BMPER: variants seen among roughly 807,000 people sequenced by gnomAD.
BMPER encodes BMP-binding endothelial regulator protein.
Under a neutral mutation model 87.3 loss-of-function variants are expected in BMPER, and 45 were observed. The observed-to-expected ratio is 0.52, with a 90% confidence interval of 0.41 to 0.66. The LOEUF is 0.66. BMPER is among the 30% of genes least tolerant of loss of function. BMPER has a pLI of 0.00. For missense variants in BMPER, 784 were observed against 867.5 expected (o/e 0.90, Z 1.21); for synonymous variants, 326 against 316.2 (o/e 1.03, Z -0.33).
intron 13 of BMPER, among the ~76,000 whole-genome samples, chr7:34,125,620 T>A (rs1022559502): frequency 6.6e-6 from 1 of 152,230 alleles, no homozygotes; most frequent in Non-Finnish European, 1.5e-5. Flanking sequence ...TACTTTACCT[T>A]ACTGCAGTGC....
intron 6 of BMPER, among the ~76,000 whole-genome samples, chr7:34,019,958 T>TG (rs1214141693): frequency 6.6e-6 from 1 of 151,376 alleles, no homozygotes; most frequent in Non-Finnish European, 1.5e-5. Flanking sequence ...GGTTTTTTTT[T>TG]TTTTTTTTTC....
intron 6 of BMPER, among the ~76,000 whole-genome samples, chr7:34,039,966 A>C (rs1466307559): frequency 6.6e-6 from 1 of 152,064 alleles, no homozygotes; most frequent in Non-Finnish European, 1.5e-5. Context: ...TAACTAGGTA[A>C]CTGAATGGCA....
chr7:34,075,525 G>T (rs1376424589), intron 11 of BMPER, among the ~76,000 whole-genome samples: 1 of 152,190 alleles, frequency 6.6e-6, no homozygotes, highest in Admixed American at 6.5e-5. Context: ...GAGATCTAAT[G>T]ATTTGACCTA....
chr7:34,073,475 C>T (rs1788787601), intron 11 of BMPER, among the ~76,000 whole-genome samples: 1 of 152,180 alleles, frequency 6.6e-6, no homozygotes, highest in Non-Finnish European at 1.5e-5. Flanking sequence ...GTATTATAAT[C>T]TTATGGGACC....
chr7:34,059,744 G>GAAA (rs76980222), intron 10 of BMPER, among the ~76,000 whole-genome samples: 2 of 127,038 alleles, frequency 1.6e-5, no homozygotes, highest in Admixed American at 7.9e-5. Context: ...GGAAATTTTG[G>GAAA]AAAAAAAAAA....
chr7:33,908,448 T>TC (rs971698501), intron 2 of BMPER, among the ~76,000 whole-genome samples: 16 of 152,206 alleles, frequency 1.1e-4, no homozygotes, highest in African/African-American at 3.6e-4. Context: ...CCCACAGCAT[T>TC]CCCCCCTTTT....
intron 11 of BMPER, among the ~76,000 whole-genome samples, chr7:34,066,388 A>G (rs563616350): frequency 5.7e-4 from 87 of 152,256 alleles, no homozygotes; most frequent in Non-Finnish European, 1.1e-3. Flanking sequence ...GTCTTTTCAT[A>G]ACATGGAACA....
intron 11 of BMPER, among the ~76,000 whole-genome samples, chr7:34,076,842 G>T (rs1788877559): frequency 6.6e-6 from 1 of 152,098 alleles, no homozygotes; most frequent in Admixed American, 6.6e-5. Context: ...ACTGAGAGAG[G>T]ACTTCCTCAG....
chr7:33,912,399 C>T (rs1562625763), intron 2 of BMPER, among the ~76,000 whole-genome samples: 1 of 152,164 alleles, frequency 6.6e-6, no homozygotes, highest in Non-Finnish European at 1.5e-5. Context: ...TGCTCCCCTT[C>T]CCCATCCCAT....
chr7:33,998,309 C>T (rs539621354), intron 6 of BMPER, among the ~76,000 whole-genome samples: 6 of 152,134 alleles, frequency 3.9e-5, no homozygotes, highest in African/African-American at 4.8e-5. Context: ...ATTGTCTGTG[C>T]GTTATCCTTG....
At chr7:34,025,945 T>G (rs1161762422) in intron 6 of BMPER, among the ~76,000 whole-genome samples, 1 of 151,904 alleles carries the variant, frequency 6.6e-6, no homozygotes, top group Non-Finnish European at 1.5e-5. Flanking sequence ...GAGGGCAGGG[T>G]CAGGGTAATG....
At chr7:33,911,366 G>A (rs904785241) in intron 2 of BMPER, among the ~76,000 whole-genome samples, 2 of 152,236 alleles carry the variant, frequency 1.3e-5, no homozygotes, top group African/African-American at 4.8e-5. Context: ...ACTGGGATGT[G>A]AAGTCAGTTC....
chr7:33,936,958 A>T (rs965536881), intron 2 of BMPER, among the ~76,000 whole-genome samples: 2 of 152,234 alleles, frequency 1.3e-5, no homozygotes, highest in Non-Finnish European at 2.9e-5. Flanking sequence ...CACAAATATT[A>T]TCGTTTCTGT....
chr7:34,143,399 C>T (rs374247611), intron 14 of BMPER, 39 bp downstream of exon 14: 58 of 1,612,270 alleles, frequency 3.6e-5, no homozygotes, highest in Non-Finnish European at 2.0e-5. Context: ...CAAAAGTTTA[C>T]TGCAATGCCC....
chr7:33,941,823 G>A (rs115194422), intron 3 of BMPER, among the ~76,000 whole-genome samples: 1,928 of 152,278 alleles, frequency 0.013, 49 homozygotes, highest in African/African-American at 0.044. Flanking sequence ...GTACAGGTCC[G>A]TGGCCCAGGC....
chr7:34,065,012 G>A (rs1383135479), intron 11 of BMPER, among the ~76,000 whole-genome samples: 2 of 151,990 alleles, frequency 1.3e-5, no homozygotes, highest in Non-Finnish European at 2.9e-5. Context: ...ACAAACCTTT[G>A]GGCACATTTT....
intron 2 of BMPER, among the ~76,000 whole-genome samples, chr7:33,918,701 C>G (rs57609659): frequency 0.022 from 3,420 of 152,326 alleles, 121 homozygotes; most frequent in African/African-American, 0.076. Flanking sequence ...GTTTATGCCC[C>G]TTGGGGGGAA....
intron 13 of BMPER, among the ~76,000 whole-genome samples, chr7:34,116,106 A>T (rs546493660): frequency 2.0e-5 from 3 of 152,352 alleles, no homozygotes; most frequent in Admixed American, 2.0e-4. Context: ...TCTCACATTT[A>T]AACATAATAA....
Position 33,949,037 on chromosome 7 carries a change from TGAAA to T in BMPER, c.319+11655_319+11658del, listed in dbSNP as rs1317207575. On this transcript the variant is annotated intron_variant, in intron 3 of 14. Coordinates refer to ENST00000649409, the MANE Select transcript of BMPER (RefSeq NM_001365308.1). ...TTATAGTCTGGGTGGACCAACAATT[TGAAA>T]GAAAGTATGTAGGCAGAGAGGCTTT... 7.2e-5 allele frequency among the ~76,000 whole-genome samples: 11 copies of T among 152,236 alleles called. No individual in the cohort carries two copies. In the East Asian group the frequency reaches 2.1e-3, roughly 29 times the overall value.
Sources: gnomAD v4.1 joint callset for allele counts (sites outside exome capture counted in the v4.1 genomes callset) on GRCh38, gnomAD v4.1.1 for gene constraint, MANE v1.5 for transcripts, NCBI Gene and HGNC (gene_info 2026-07-23, HGNC 2026-07-21) for gene names.